The following HCN1 variants were observed in gnomAD, a reference collection of about 807,000 sequenced individuals.
The protein encoded by HCN1 is hyperpolarization activated cyclic nucleotide gated potassium channel 1.
Under a neutral mutation model 78.9 loss-of-function variants are expected in HCN1, and 13 were observed. The ratio of observed to expected loss-of-function variants is 0.16; its 90% CI spans 0.11 to 0.26. The LOEUF (loss-of-function observed/expected upper bound fraction) is 0.26, where lower values mean the gene tolerates loss of function less well. Ranked by LOEUF, HCN1 falls within the 10% of genes least tolerant of loss-of-function variation. HCN1 has a pLI of 1.00. For missense variants in HCN1, 810 were observed against 1,154.3 expected (o/e 0.70, Z 4.32); for synonymous variants, 552 against 455.5 (o/e 1.21, Z -2.70).
At chr5:45,509,253 T>C (rs114653850) in intron 2 of HCN1, among the ~76,000 whole-genome samples, 1,599 of 152,162 alleles carry the variant, frequency 0.011, 25 homozygotes, top group Non-Finnish European at 0.015. Context: ...GAGGCGAAAA[T>C]AATTCAAGAG....
intron 2 of HCN1, among the ~76,000 whole-genome samples, chr5:45,623,045 C>T (rs945760671): frequency 1.3e-5 from 2 of 152,152 alleles, no homozygotes; most frequent in Non-Finnish European, 2.9e-5. Flanking sequence ...ACTCCACCAG[C>T]TTCATGATTA....
rs1740338920 is a variant in HCN1 at position 45,425,987 on chromosome 5, T to C, written c.1012-29277A>G. On this transcript the variant is annotated intron_variant, in intron 3 of 7. Coordinates refer to ENST00000303230, the MANE Select transcript of HCN1 (RefSeq NM_021072.4). ...AAAAATGAGCTGATTAATGGTGTTG[T>C]TGTAATTCTGTGGGAATGAGAAGAT... Among the ~76,000 whole-genome samples, 3 of 152,190 alleles carry C rather than the reference T, an allele frequency of 2.0e-5. No individual in the cohort carries two copies. In the South Asian group the frequency reaches 6.2e-4, roughly 31 times the overall value.
intron 4 of HCN1, among the ~76,000 whole-genome samples, chr5:45,393,171 A>G (rs1739618197): frequency 6.6e-6 from 1 of 152,180 alleles, no homozygotes; most frequent in Non-Finnish European, 1.5e-5. Context: ...ATTTTAATTT[A>G]CACAATAAAA....
At chr5:45,476,470 C>G (rs879271713) in intron 2 of HCN1, among the ~76,000 whole-genome samples, 2 of 152,286 alleles carry the variant, frequency 1.3e-5, no homozygotes, top group East Asian at 3.9e-4. Context: ...ACAAGGGAGG[C>G]ATCAATTTAC....
At chr5:45,571,373 C>T (rs939731107) in intron 2 of HCN1, among the ~76,000 whole-genome samples, 2 of 152,086 alleles carry the variant, frequency 1.3e-5, no homozygotes, top group African/African-American at 2.4e-5. Context: ...TCAGAGAACA[C>T]GCTGTTTTTC....
chr5:45,455,971 A>C (rs1185591006), intron 3 of HCN1, among the ~76,000 whole-genome samples: 1 of 151,984 alleles, frequency 6.6e-6, no homozygotes, highest in South Asian at 2.1e-4. Context: ...TGTTTCAAAT[A>C]AAAGTAAAAT....
At chr5:45,569,183 G>T (rs1743776055) in intron 2 of HCN1, among the ~76,000 whole-genome samples, 1 of 152,042 alleles carries the variant, frequency 6.6e-6, no homozygotes, top group South Asian at 2.1e-4. Flanking sequence ...ACTTCTACAT[G>T]ATTGTCCATT....
intron 6 of HCN1, among the ~76,000 whole-genome samples, chr5:45,299,816 G>A (rs1216928084): frequency 6.6e-6 from 1 of 151,946 alleles, no homozygotes; most frequent in East Asian, 1.9e-4. Context: ...TCTAAGAAGT[G>A]AGCATAACCT....
chr5:45,546,525 AG>A (rs1449705774), intron 2 of HCN1, among the ~76,000 whole-genome samples: 1 of 151,934 alleles, frequency 6.6e-6, no homozygotes, highest in Non-Finnish European at 1.5e-5. Flanking sequence ...TTTGCTTCAA[AG>A]AAATTAAGAC....
At chr5:45,344,465 C>T (rs1302116796) in intron 5 of HCN1, among the ~76,000 whole-genome samples, 1 of 152,166 alleles carries the variant, frequency 6.6e-6, no homozygotes, top group Non-Finnish European at 1.5e-5. Flanking sequence ...TGCAAAGTCT[C>T]ATCTGAATCA....
In HCN1 at chr5:45,607,219, T is replaced by G. The variant is rs957295132; in HGVS notation, c.849+37966A>C. 6.6e-5 allele frequency among the ~76,000 whole-genome samples: 10 copies of G among 151,808 alleles called. No individual in the cohort carries two copies. The South Asian group carries it at 1.7e-3, about 25-fold the overall frequency. On this transcript the variant is annotated intron_variant, in intron 2 of 7. Transcript: ENST00000303230. ...AATTATTAAAAAATTTTCAAAAATA[T>G]CAAATGAAAAATGGGACATTATCAA...
intron 2 of HCN1, among the ~76,000 whole-genome samples, chr5:45,545,330 G>T (rs1231911549): frequency 2.0e-5 from 3 of 152,074 alleles, no homozygotes; most frequent in Non-Finnish European, 4.4e-5. Flanking sequence ...TAAGTTCTTT[G>T]TAGATTCTGG....
chr5:45,372,445 A>G (rs1747420404), intron 4 of HCN1, among the ~76,000 whole-genome samples: 1 of 123,868 alleles, frequency 8.1e-6, no homozygotes, highest in African/African-American at 3.1e-5. Context: ...ACTTATATAT[A>G]AAAATATATA....
chr5:45,526,419 C>T (rs373619208), intron 2 of HCN1, among the ~76,000 whole-genome samples: 51 of 152,184 alleles, frequency 3.4e-4, no homozygotes, highest in East Asian at 2.5e-3. Context: ...CACTGGCCTT[C>T]GGCCTTCATG....
chr5:45,316,994 G>A (rs958333296), intron 5 of HCN1, among the ~76,000 whole-genome samples: 1 of 152,036 alleles, frequency 6.6e-6, no homozygotes, highest in Non-Finnish European at 1.5e-5. Flanking sequence ...ACTGCCCAAG[G>A]TAACTTATTG....
chr5:45,321,561 A>T (rs1338138349), intron 5 of HCN1, among the ~76,000 whole-genome samples: 2 of 151,902 alleles, frequency 1.3e-5, no homozygotes, highest in Non-Finnish European at 2.9e-5. Flanking sequence ...AATGAAAAAA[A>T]AGAGTCACTT....
chr5:45,542,434 C>T (rs1195488668), intron 2 of HCN1, among the ~76,000 whole-genome samples: 1 of 151,522 alleles, frequency 6.6e-6, no homozygotes, highest in Admixed American at 6.6e-5. Context: ...CATATTTTTT[C>T]TTCTTACATA....
chr5:45,374,107 T>C (rs1241787761), intron 4 of HCN1, among the ~76,000 whole-genome samples: 3 of 107,006 alleles, frequency 2.8e-5, no homozygotes, highest in African/African-American at 3.7e-5. Flanking sequence ...TAATATATAT[T>C]ATATACATAA....
chr5:45,284,960 G>A (rs907035899), intron 6 of HCN1, among the ~76,000 whole-genome samples: 6 of 151,936 alleles, frequency 3.9e-5, no homozygotes, highest in Non-Finnish European at 7.4e-5. Context: ...ACTCTAAGTG[G>A]AACTTCCACA....
Sources: gnomAD v4.1 joint callset for allele counts (sites outside exome capture counted in the v4.1 genomes callset) on GRCh38, gnomAD v4.1.1 for gene constraint, MANE v1.5 for transcripts, NCBI Gene and HGNC (gene_info 2026-07-23, HGNC 2026-07-21) for gene names.